VAT1: variants seen among roughly 807,000 people sequenced by gnomAD.
VAT1 encodes the protein vesicle amine transport 1.
Under a neutral mutation model 33.3 loss-of-function variants are expected in VAT1, and 24 were observed. The observed-to-expected ratio is 0.72, with a 90% CI of 0.52 to 1.01. The LOEUF is 1.01. Among genes scored for constraint, VAT1 ranks in the 50% least tolerant of loss-of-function variants. The pLI is 0.00. For missense variants in VAT1, 436 were observed against 533.7 expected, an observed-to-expected ratio of 0.82 and a Z score of 1.80; for synonymous variants, 212 against 225.0, an observed-to-expected ratio of 0.94 and a Z score of 0.52.
At chr17:43,020,750 C>G (rs1038449344) in intron 1 of VAT1, among the ~76,000 whole-genome samples, 1 of 151,834 alleles carries the variant, frequency 6.6e-6, no homozygotes, top group Non-Finnish European at 1.5e-5. Flanking sequence ...TGGCGCATGC[C>G]TGTAATCCCA....
chr17:43,021,829 G>C, intron 1 of VAT1, 107 bp downstream of exon 1: 1 of 1,499,350 alleles, frequency 6.7e-7, no homozygotes. Context: ...GTGCACCCAG[G>C]TCCGCGCCAG....
intron 2 of VAT1, 128 bp from the exon 3 acceptor site, chr17:43,018,334 T>C: frequency 1.7e-6 from 2 of 1,178,410 alleles, no homozygotes; most frequent in South Asian, 1.5e-5. Flanking sequence ...CCGTGTCTAA[T>C]TTCCATGACT....
intron 1 of VAT1, among the ~76,000 whole-genome samples, chr17:43,021,606 T>TGGGGGGGGGGGGGGGGGGG (rs35999638): frequency 2.0e-5 from 1 of 49,408 alleles, no homozygotes; most frequent in Non-Finnish European, 4.2e-5. Context: ...GTGGTTTTAA[T>TGGGGGGGGGGGGGGGGGGG]GGGGGGGGGG....
chr17:43,017,582 C>CAAAAAAAAAAAAA (rs55979457), intron 4 of VAT1, among the ~76,000 whole-genome samples: 1 of 66,476 alleles, frequency 1.5e-5, no homozygotes, highest in African/African-American at 5.8e-5. Flanking sequence ...AACTCCATCT[C>CAAAAAAAAAAAAA]AAAAAAAAAA....
chr17:43,018,028 C>A lies in VAT1; in HGVS notation c.766+8G>T. On this transcript the variant is annotated splice_region_variant and intron_variant, in intron 3 of 5. Coordinates refer to ENST00000355653, the MANE Select transcript of VAT1 (RefSeq NM_006373.4). ...CCTCCCTACCCCCTCCCATATTATG[C>A]CCCCCACCTTTAGGGGAAATCTTCT... is the stretch of plus-strand genomic sequence containing the variant. The A allele has an allele frequency of 3.7e-6, 6 of 1,611,582 alleles. No homozygotes were observed. The highest frequency in any genetic ancestry group is 5.1e-6 in the Non-Finnish European group (6 of 1,178,164).
intron 1 of VAT1, 101 bp from the exon 2 acceptor site, chr17:43,018,900 T>G: frequency 8.8e-7 from 1 of 1,140,882 alleles, no homozygotes; most frequent in Non-Finnish European, 1.3e-6. Context: ...CCAAATGAAG[T>G]AGCAGGAGAA....
At chr17:43,021,027 G>C (rs1354704922) in intron 1 of VAT1, among the ~76,000 whole-genome samples, 1 of 152,242 alleles carries the variant, frequency 6.6e-6, no homozygotes, top group African/African-American at 2.4e-5. Flanking sequence ...AAATGAGAAG[G>C]AGAAACAGGC....
chr17:43,019,021 T>C (rs935219060), intron 1 of VAT1: 11 of 588,348 alleles, frequency 1.9e-5, no homozygotes, highest in South Asian at 2.0e-5. Flanking sequence ...AAGTGCTTTA[T>C]ATATAATGCT....
Position 43,016,063 on chromosome 17 carries a change from A to G in VAT1, c.1180T>C (p.Ter394GlnextTer5). 1 of 1,614,104 alleles carries G rather than the reference A, an allele frequency of 6.2e-7. No homozygotes were observed. Among genetic ancestry groups the G allele is most frequent in the Non-Finnish European group, 8.5e-7 (1 of 1,179,986 alleles). ...LLVPGPEKEN[*>Q] Reference sequence around the variant, plus strand: ...CTAGGGTCTCACAGCCACTTGCCCTAGTTCTCCTTCTCTGGCCCTGGAACC... The same window carrying G: ...CTAGGGTCTCACAGCCACTTGCCCTGGTTCTCCTTCTCTGGCCCTGGAACC... The change falls in exon 6 of 6, where the codon TAG becomes CAG. Residue 394 changes from the stop codon to glutamine (Q), a stop_lost. Transcript: ENST00000355653.
intron 4 of VAT1, among the ~76,000 whole-genome samples, chr17:43,017,366 T>G (rs1382911225): frequency 6.6e-6 from 1 of 151,294 alleles, no homozygotes; most frequent in African/African-American, 2.4e-5. Context: ...CTGGATCACC[T>G]GAGATCAGGA....
Position 43,015,687 on chromosome 17 carries a change from T to G in VAT1, c.*374A>C. 7.7e-6 allele frequency: 2 copies of G among 258,776 alleles called. No individual in the cohort carries two copies. Among genetic ancestry groups the G allele is most frequent in the Non-Finnish European group, 1.5e-5 (2 of 134,214 alleles). 16.0% of individuals were successfully genotyped at this position (258,776 alleles called of 1,614,324 possible). The stretch of plus-strand genomic sequence containing the variant: ...CTGACGTTTCAATTCTTTGGGGAGG[T>G]GGCGGGGCAGGGACGGGAGGAAAGA... On this transcript the variant is annotated 3_prime_UTR_variant, in exon 6 of 6. Transcript: ENST00000355653.
chr17:43,021,094 C>G (rs2050563059), intron 1 of VAT1, among the ~76,000 whole-genome samples: 1 of 152,102 alleles, frequency 6.6e-6, no homozygotes, highest in Non-Finnish European at 1.5e-5. Context: ...AGTCCAAACC[C>G]CTGGCACTGG....
chr17:43,018,111 C>T lies in VAT1; in HGVS notation c.691G>A (p.Glu231Lys). The T allele has an allele frequency of 6.2e-7, 1 of 1,614,200 alleles. No homozygotes were observed. The highest frequency in any genetic ancestry group is 8.5e-7 in the Non-Finnish European group (1 of 1,180,046). Reference sequence around the variant, plus strand: ...TCGATGGGATGTGTGACCCCATTCTCCTTCAGTGCCTCGTGCTTGCTGGCC... The same window carrying T: ...TCGATGGGATGTGTGACCCCATTCTTCTTCAGTGCCTCGTGCTTGCTGGCC... ...ASASKHEALK[E>K]NGVTHPIDYH... Residue 231 changes from glutamate (E) to lysine (K), a missense_variant, in exon 3 of 6, where the codon GAG (glutamate) becomes AAG (lysine). Transcript: ENST00000355653.
Position 43,021,994 on chromosome 17 carries a change from G to A in VAT1, c.329C>T (p.Pro110Leu). ...CACAACACCCGCGCCCTCCATGCCC[G>A]GAGTGACAGGCAGAGGCGGGAGACG... is the stretch of plus-strand genomic sequence containing the variant. ...YDRLPPLPVTPGMEGAGVVIA... is the reference protein window; with the variant it reads ...YDRLPPLPVTLGMEGAGVVIA... Residue 110 changes from proline to leucine, a missense_variant, in exon 1 of 6, where the codon CCG becomes CTG. By Grantham distance (98) the Pro-to-Leu change is moderately conservative. Around this residue, in one of 2 missense-constraint regions of VAT1, gnomAD observed 282 missense variants for 405.4 expected, o/e 0.70. Coordinates refer to ENST00000355653, the MANE Select transcript of VAT1 (RefSeq NM_006373.4). 1 of 1,611,078 alleles carries A rather than the reference G, an allele frequency of 6.2e-7. No individual in the cohort carries two copies. The highest frequency in any genetic ancestry group is 8.5e-7 in the Non-Finnish European group (1 of 1,179,704).
At chr17:43,020,888 A>G (rs61202206) in intron 1 of VAT1, among the ~76,000 whole-genome samples, 1 of 124,560 alleles carries the variant, frequency 8.0e-6, no homozygotes. Flanking sequence ...AAAAAAAAAA[A>G]AAAAAAAGAA....
intron 1 of VAT1, 96 bp from the exon 2 acceptor site, chr17:43,018,895 T>G: frequency 8.2e-7 from 1 of 1,223,130 alleles, no homozygotes; most frequent in Non-Finnish European, 1.2e-6. Flanking sequence ...TTCTTCCAAA[T>G]GAAGTAGCAG....
In VAT1 at chr17:43,016,497, C is replaced by T. The variant is rs764944133; in HGVS notation, c.908G>A (p.Arg303Gln). The change falls in exon 5 of 6, where the codon CGG (arginine) becomes CAG (glutamine). Residue 303 changes from arginine to glutamine, a missense_variant. By Grantham distance (43) the Arg-to-Gln change is conservative. Transcript: ENST00000355653. ...CACGCTGAACTGATTCCACCATGTC[C>T]GGGCCAGGGCCATCAGGTTCCGTTT... The part of the protein sequence containing the change: ...GPKRNLMALA[R>Q]TWWNQFSVTA... 13 of 1,613,902 alleles carry T rather than the reference C, an allele frequency of 8.1e-6. 1 individual carries two copies. Among genetic ancestry groups the T allele is most frequent in the East Asian group, 2.2e-5 (1 of 44,890 alleles).
intron 4 of VAT1, 54 bp downstream of exon 4, chr17:43,017,787 A>G: frequency 6.4e-7 from 1 of 1,557,156 alleles, no homozygotes; most frequent in Non-Finnish European, 8.9e-7. Flanking sequence ...CCCACCCCTT[A>G]GACCCTCCCT....
intron 1 of VAT1, chr17:43,020,067 G>A (rs1228432590): frequency 1.0e-6 from 1 of 981,128 alleles, no homozygotes; most frequent in African/African-American, 1.8e-5. Flanking sequence ...AACAACCCAG[G>A]AGAGCTGCGA....
Sources: gnomAD v4.1 joint callset for allele counts (sites outside exome capture counted in the v4.1 genomes callset) on GRCh38, gnomAD v4.1.1 for gene constraint, gnomAD v4.1.1 regional missense constraint, MANE v1.5 for transcripts, NCBI Gene and HGNC (gene_info 2026-07-23, HGNC 2026-07-21) for gene names.